INO80: variants seen among roughly 807,000 people sequenced by gnomAD.
The protein encoded by INO80 is INO80 complex ATPase subunit, also known as chromatin-remodeling ATPase INO80.
Under a neutral mutation model 203.4 loss-of-function variants are expected in INO80, and 20 were observed. The ratio of observed to expected loss-of-function variants is 0.10; its 90% CI spans 0.07 to 0.14. The LOEUF is 0.14. Ranked by LOEUF, INO80 falls within the 10% of genes least tolerant of loss-of-function variation. The pLI is 1.00. For synonymous variants in INO80, 726 were observed against 685.2 expected, an observed-to-expected ratio of 1.06 and a Z score of -0.93; for missense variants, 1,419 against 1,914.4, an observed-to-expected ratio of 0.74 and a Z score of 4.83.
intron 1 of INO80, among the ~76,000 whole-genome samples, chr15:41,097,008 C>T (rs917131542): frequency 2.0e-5 from 3 of 151,982 alleles, no homozygotes; most frequent in African/African-American, 7.3e-5. Flanking sequence ...TTAAAGACAA[C>T]ATTAGGGTCA....
At chr15:41,082,090 A>G (rs758857782) in intron 7 of INO80, among the ~76,000 whole-genome samples, 8 of 151,542 alleles carry the variant, frequency 5.3e-5, no homozygotes, top group Non-Finnish European at 1.0e-4. Context: ...TTTCTACTAA[A>G]AATAGAAAAC....
intron 5 of INO80, among the ~76,000 whole-genome samples, chr15:41,091,687 G>A (rs112778304): frequency 7.3e-5 from 9 of 122,732 alleles, no homozygotes; most frequent in Middle Eastern, 6.5e-3. Flanking sequence ...ACAGAGTCTC[G>A]CTCTGTCGCC....
intron 29 of INO80, among the ~76,000 whole-genome samples, chr15:40,988,364 T>C (rs2043769779): frequency 6.6e-6 from 1 of 152,222 alleles, no homozygotes; most frequent in East Asian, 1.9e-4. Flanking sequence ...TCGTCATTAT[T>C]TAAATGCTGT....
intron 29 of INO80, among the ~76,000 whole-genome samples, chr15:40,988,176 T>A (rs1321038988): frequency 1.3e-5 from 2 of 152,208 alleles, no homozygotes; most frequent in Non-Finnish European, 2.9e-5. Flanking sequence ...TGCTCCTGTT[T>A]TATTTTTTTC....
At chr15:41,012,259 T>G (rs1396717844) in intron 27 of INO80, among the ~76,000 whole-genome samples, 1 of 152,154 alleles carries the variant, frequency 6.6e-6, no homozygotes, top group Non-Finnish European at 1.5e-5. Context: ...TCCCCTAGTA[T>G]GCCCAACAGC....
intron 10 of INO80, 77 bp downstream of exon 10, chr15:41,074,293 G>T: frequency 1.9e-6 from 2 of 1,034,074 alleles, no homozygotes; most frequent in Non-Finnish European, 2.7e-6. Flanking sequence ...TAAAAAATTC[G>T]CAAAAATTAA....
At chr15:41,087,755 C>T in intron 5 of INO80, 73 bp from the exon 6 acceptor site, 1 of 1,487,164 alleles carries the variant, frequency 6.7e-7, no homozygotes, top group Non-Finnish European at 9.0e-7. Context: ...CTACAGAAAA[C>T]TAAGCCAGAG....
At position 41,034,692 on chromosome 15, in the gene INO80, G is replaced by T. The variant is rs544744251; in HGVS notation, c.2908-6956C>A. On this transcript the variant is annotated intron_variant, in intron 24 of 35. Coordinates refer to ENST00000648947, the MANE Select transcript of INO80 (RefSeq NM_017553.3). ...TAGTCTAAAATATTATTTGAATTTC[G>T]TAAGAAAAAGAATGATGAGACCCCT... 2.0e-5 allele frequency among the ~76,000 whole-genome samples: 3 copies of T among 152,246 alleles called. No individual in the cohort carries two copies. In the East Asian group the frequency reaches 5.8e-4, roughly 29 times the overall value.
At chr15:41,084,636 G>T (rs756971501) in intron 7 of INO80, among the ~76,000 whole-genome samples, 5 of 152,016 alleles carry the variant, frequency 3.3e-5, no homozygotes, top group Non-Finnish European at 5.9e-5. Flanking sequence ...TGTTTAACTC[G>T]TTCACATTTT....
In INO80 at chr15:40,980,307, C is replaced by T. The variant is rs765748013; in HGVS notation, c.4587G>A (p.Lys1529=). The change falls in exon 36 of 36, where the codon AAG becomes AAA. Residue 1529 remains lysine (K), a synonymous_variant. Transcript: ENST00000648947. ...SKGNNVPGNP[K]NLHMTSSLAP... ...CTAGGCTGCTGGTCATGTGGAGGTT[C>T]TTGGGATTCCCAGGAACATTATTTC... 6.2e-7 allele frequency: 1 copy of T among 1,613,934 alleles called. No individual in the cohort carries two copies. Among genetic ancestry groups the T allele is most frequent in the Non-Finnish European group, 8.5e-7 (1 of 1,180,026 alleles).
At chr15:41,066,510 T>C (rs2045218409) in intron 14 of INO80, among the ~76,000 whole-genome samples, 1 of 150,826 alleles carries the variant, frequency 6.6e-6, no homozygotes, top group African/African-American at 2.4e-5. Flanking sequence ...TTTGTCACAA[T>C]AAAAAATATA....
Position 40,985,401 on chromosome 15 carries a change from C to G in INO80, c.3858G>C (p.Arg1286=). The change falls in exon 32 of 36, where the codon CGG becomes CGC. Residue 1286 remains arginine, a synonymous_variant. Coordinates refer to ENST00000648947, the MANE Select transcript of INO80 (RefSeq NM_017553.3). The stretch of plus-strand genomic sequence containing the variant: ...TCACTCGGTTGGTTTCCTCCTGTTG[C>G]CGTTTCTCTTCCTGCCGCAGCCTCA... ...KKLRLRQEEK[R]QQEETNRVKE... is the part of the protein sequence containing the mutation. 6.2e-7 allele frequency: 1 copy of G among 1,613,894 alleles called. No homozygotes were observed. Among genetic ancestry groups the G allele is most frequent in the Non-Finnish European group, 8.5e-7 (1 of 1,179,838 alleles).
intron 26 of INO80, 80 bp from the exon 27 acceptor site, chr15:41,016,295 C>A (rs2044209867): frequency 1.5e-6 from 2 of 1,356,666 alleles, no homozygotes; most frequent in Non-Finnish European, 2.0e-6. Flanking sequence ...CTGTATGCAA[C>A]CACAATCACT....
At chr15:41,031,412 G>C (rs1219053721) in intron 24 of INO80, among the ~76,000 whole-genome samples, 2 of 142,502 alleles carry the variant, frequency 1.4e-5, no homozygotes, top group Non-Finnish European at 3.0e-5. Context: ...AAAAGTGAAA[G>C]AGAAGGGAAG....
intron 14 of INO80, among the ~76,000 whole-genome samples, chr15:41,060,963 TGAAA>T (rs1309879197): frequency 6.6e-6 from 1 of 152,010 alleles, no homozygotes; most frequent in African/African-American, 2.4e-5. Context: ...AAAGCCTACA[TGAAA>T]GAAAGATAAC....
chr15:40,990,656 G>A (rs1282120082), intron 29 of INO80, among the ~76,000 whole-genome samples: 2 of 152,200 alleles, frequency 1.3e-5, no homozygotes, highest in South Asian at 2.1e-4. Context: ...ATTTAGAAGT[G>A]CACAATGCTT....
chr15:40,984,473 A>G (rs901763192), intron 32 of INO80, 121 bp from the exon 33 acceptor site: 18 of 887,228 alleles, frequency 2.0e-5, no homozygotes, highest in Non-Finnish European at 2.7e-5. Flanking sequence ...CTCAATTAGC[A>G]TATTTTTACG....
Position 40,980,448 on chromosome 15 carries a change from GA to G in INO80, c.4454-9del. 6.2e-7 allele frequency: 1 copy of G among 1,605,958 alleles called. No individual in the cohort carries two copies. Among genetic ancestry groups the G allele is most frequent in the Non-Finnish European group, 8.5e-7 (1 of 1,174,418 alleles). ...GACTGCTGGCGGAGATTCCTGTGGG[GA>G]CGGAGAGAGACAAGAACGTAAGCAC... On this transcript the variant is annotated splice_polypyrimidine_tract_variant and intron_variant, in intron 35 of 35. Transcript: ENST00000648947.
chr15:40,980,720 A>G (rs1297228217), intron 35 of INO80, among the ~76,000 whole-genome samples: 1 of 152,264 alleles, frequency 6.6e-6, no homozygotes, highest in Non-Finnish European at 1.5e-5. Flanking sequence ...CACTCTAGAT[A>G]GAGCACACAT....
Sources: allele counts gnomAD v4.1 joint callset (sites outside exome capture counted in the v4.1 genomes callset), GRCh38; gene constraint gnomAD v4.1.1; transcripts MANE v1.5; gene names NCBI Gene and HGNC (gene_info 2026-07-23, HGNC 2026-07-21).